Variants in ANO6 observed in about 807,000 individuals in gnomAD.
ANO6 encodes the protein anoctamin 6.
In ANO6, 106 loss-of-function variants were observed where a neutral mutation model predicts 117.5. The ratio of observed to expected loss-of-function variants is 0.90; its 90% confidence interval spans 0.77 to 1.06. The LOEUF (loss-of-function observed/expected upper bound fraction) is 1.06, where lower values mean the gene tolerates loss of function less well. ANO6 is among the 50% of genes least tolerant of loss of function. ANO6 has a pLI of 0.00. For missense variants in ANO6, 955 were observed against 1,121.1 expected, an observed-to-expected ratio of 0.85 and a Z score of 2.12; for synonymous variants, 367 against 385.1, an observed-to-expected ratio of 0.95 and a Z score of 0.55.
intron 3 of ANO6, among the ~76,000 whole-genome samples, chr12:45,333,593 G>GAAA (rs992559532): frequency 6.6e-6 from 1 of 151,782 alleles, no homozygotes; most frequent in Non-Finnish European, 1.5e-5. Context: ...AAATAAGGAG[G>GAAA]AAAAAAATCA....
chr12:45,273,444 A>T (rs1938452509), intron 1 of ANO6, among the ~76,000 whole-genome samples: 1 of 152,180 alleles, frequency 6.6e-6, no homozygotes, highest in Non-Finnish European at 1.5e-5. Context: ...AGCCAAGCAA[A>T]ATAGTTGATA....
intron 1 of ANO6, among the ~76,000 whole-genome samples, chr12:45,290,830 C>T (rs1362509032): frequency 6.6e-6 from 1 of 152,044 alleles, no homozygotes; most frequent in Non-Finnish European, 1.5e-5. Context: ...TGTCCAAATA[C>T]CAAAACAATT....
chr12:45,226,984 CTTTTTTTTTTTTT>C (rs906373347), intron 1 of ANO6, among the ~76,000 whole-genome samples: 2 of 112,764 alleles, frequency 1.8e-5, no homozygotes, highest in Non-Finnish European at 3.7e-5. Context: ...TTATCATTTT[CTTTTTTTTTTTTT>C]TTTTTTTTGA....
chr12:45,216,105 C>T lies in ANO6; in HGVS notation c.-217C>T, dbSNP rs1344421902. 8.9e-6 allele frequency: 5 copies of T among 562,026 alleles called. No homozygotes were observed. Among genetic ancestry groups the T allele is most frequent in the African/African-American group, 6.0e-5 (3 of 50,300 alleles). 34.8% of individuals were successfully genotyped at this position (562,026 alleles called of 1,614,324 possible). On this transcript the variant is annotated 5_prime_UTR_variant, in exon 1 of 20. Coordinates refer to ENST00000320560, the MANE Select transcript of ANO6 (RefSeq NM_001025356.3). ...GCACTGGGCATGCTCAGTCTCCGGG[C>T]TCCGCTCGGCAGGCGAGAGGCGTCC... is the stretch of plus-strand genomic sequence containing the variant.
intron 7 of ANO6, among the ~76,000 whole-genome samples, chr12:45,354,955 A>G (rs1343912255): frequency 6.6e-6 from 1 of 152,212 alleles, no homozygotes. Context: ...TAGAAAGTCA[A>G]TAGGTGATGC....
intron 6 of ANO6, among the ~76,000 whole-genome samples, chr12:45,349,038 G>C (rs1290253631): frequency 6.6e-6 from 1 of 152,092 alleles, no homozygotes; most frequent in African/African-American, 2.4e-5. Context: ...CTACCTCCTA[G>C]AGTTGTTAAG....
At chr12:45,358,087 G>A (rs568992859) in intron 8 of ANO6, among the ~76,000 whole-genome samples, 5 of 152,282 alleles carry the variant, frequency 3.3e-5, no homozygotes, top group Admixed American at 2.6e-4. Context: ...GCTTTTGGTG[G>A]TCTCAACTTC....
At chr12:45,255,853 C>T (rs981080954) in intron 1 of ANO6, among the ~76,000 whole-genome samples, 2 of 133,712 alleles carry the variant, frequency 1.5e-5, no homozygotes, top group Non-Finnish European at 3.1e-5. Flanking sequence ...CTGAATCTCG[C>T]CCATTCGCAC....
chr12:45,389,225 G>A (rs1310374883), intron 11 of ANO6, among the ~76,000 whole-genome samples: 3 of 152,172 alleles, frequency 2.0e-5, no homozygotes, highest in African/African-American at 4.8e-5. Flanking sequence ...GGGAAAAAAC[G>A]AGGTTCAATT....
In ANO6 at chr12:45,429,348, G is replaced by A. The variant is rs574217737; in HGVS notation, c.*37G>A. On this transcript the variant is annotated 3_prime_UTR_variant, in exon 20 of 20. Coordinates refer to ENST00000320560, the MANE Select transcript of ANO6 (RefSeq NM_001025356.3). ...TCTGAGAAGCACTTTAAGGAATTTA[G>A]CTTTGTCAAAATATATTAGGAATCA... is the stretch of plus-strand genomic sequence containing the variant. 1.1e-4 allele frequency: 175 copies of A among 1,602,518 alleles called. 2 individuals carry two copies. The South Asian group carries it at 1.9e-3, about 17-fold the overall frequency.
chr12:45,421,362 A>G (rs1375836072), intron 18 of ANO6, 89 bp downstream of exon 18: 1 of 1,347,304 alleles, frequency 7.4e-7, no homozygotes, highest in Non-Finnish European at 1.0e-6. Context: ...CATTTTTAAA[A>G]TTTTTATTTC....
At position 45,421,283 on chromosome 12, in the gene ANO6, G is replaced by A. The variant is rs777880980; in HGVS notation, c.2420+10G>A. The A allele has an allele frequency of 1.9e-6, 3 of 1,613,210 alleles. No homozygotes were observed. The South Asian group carries it at 3.3e-5, about 18-fold the overall frequency. On this transcript the variant is annotated intron_variant, in intron 18 of 19. Coordinates refer to ENST00000320560, the MANE Select transcript of ANO6 (RefSeq NM_001025356.3). ...ACCATACCACATGCAGGCAAGTTCT[G>A]CTTTACTTGTTTAAAAATGCACTTC... is the stretch of plus-strand genomic sequence containing the variant.
intron 8 of ANO6, among the ~76,000 whole-genome samples, chr12:45,366,216 G>A (rs957957405): frequency 2.6e-5 from 4 of 151,258 alleles, no homozygotes; most frequent in Non-Finnish European, 4.4e-5. Flanking sequence ...CCAATTTGTG[G>A]CTTATATTTT....
At chr12:45,422,424 T>C (rs535255766) in intron 18 of ANO6, among the ~76,000 whole-genome samples, 3 of 152,292 alleles carry the variant, frequency 2.0e-5, no homozygotes, top group African/African-American at 7.2e-5. Flanking sequence ...TGGATTCTTT[T>C]CTACAAAGAT....
At position 45,292,673 on chromosome 12, in the gene ANO6, A is replaced by G; in HGVS notation, c.71-9341A>G. 3 of 1,260,264 alleles carry G rather than the reference A, an allele frequency of 2.4e-6. No homozygotes were observed. The South Asian group carries it at 7.4e-5, about 31-fold the overall frequency. 78.1% of individuals were successfully genotyped at this position (1,260,264 alleles called of 1,614,324 possible). On this transcript the variant is annotated intron_variant, in intron 1 of 19. Coordinates refer to ENST00000320560, the MANE Select transcript of ANO6 (RefSeq NM_001025356.3). ...GTTTAACTTCTAGATGTATTTTTAG[A>G]GCTGAACTGTTGGGGCAGAGGAGGC... is the stretch of plus-strand genomic sequence containing the variant.
At chr12:45,408,259 C>G (rs2137653621) in intron 15 of ANO6, among the ~76,000 whole-genome samples, 1 of 152,238 alleles carries the variant, frequency 6.6e-6, no homozygotes, top group East Asian at 1.9e-4. Context: ...GCCAGTGTAT[C>G]CAGATGTTAG....
rs1051500753 is a variant in ANO6, at chr12:45,431,235, CTT to C, written c.*1926_*1927del. 1.2e-5 allele frequency: 12 copies of C among 985,142 alleles called. No homozygotes were observed. In the African/African-American group the frequency reaches 1.6e-4, roughly 13 times the overall value. The allele number at this position is 985,142 out of a possible 1,614,324, so 61.0% of individuals were successfully genotyped here. A position where few individuals can be genotyped will look rare whatever the true frequency, so the allele number is the denominator to read the frequency against. ...GAATTTCTTCCCACTGAAGGAAACT[CTT>C]TCTCATTCGCAGCCAAGACGGGAGT... On this transcript the variant is annotated 3_prime_UTR_variant, in exon 20 of 20. Transcript: ENST00000320560.
At chr12:45,240,740 G>C (rs982217075) in intron 1 of ANO6, among the ~76,000 whole-genome samples, 5 of 152,118 alleles carry the variant, frequency 3.3e-5, no homozygotes, top group African/African-American at 1.2e-4. Flanking sequence ...TTGTAAGGCA[G>C]GCCTGGTGGT....
chr12:45,249,861 T>C (rs1947876567), intron 1 of ANO6, among the ~76,000 whole-genome samples: 1 of 152,216 alleles, frequency 6.6e-6, no homozygotes, highest in Non-Finnish European at 1.5e-5. Context: ...GTCTTTGAAA[T>C]TGTCTTTTCT....
Sources: gnomAD v4.1 joint callset for allele counts (sites outside exome capture counted in the v4.1 genomes callset) on GRCh38, gnomAD v4.1.1 for gene constraint, MANE v1.5 for transcripts, NCBI Gene and HGNC (gene_info 2026-07-23, HGNC 2026-07-21) for gene names.